Variants in PLEKHH2 observed in about 807,000 individuals in gnomAD.
PLEKHH2 encodes pleckstrin homology, MyTH4 and FERM domain containing H2, also known as pleckstrin homology domain-containing family H member 2.
Under a neutral mutation model 187.9 loss-of-function variants are expected in PLEKHH2, and 129 were observed. The ratio of observed to expected loss-of-function variants is 0.69; its 90% CI spans 0.59 to 0.79. PLEKHH2 has a LOEUF of 0.79. Among genes scored for constraint, PLEKHH2 ranks in the 30% least tolerant of loss-of-function variants. PLEKHH2 has a pLI of 0.00. For missense variants in PLEKHH2, 2,076 were observed against 1,751.2 expected (o/e 1.19, Z -3.31); for synonymous variants, 686 against 605.6 (o/e 1.13, Z -1.95).
chr2:43,732,055 T>C (rs1471378541), intron 19 of PLEKHH2, among the ~76,000 whole-genome samples: 1 of 152,142 alleles, frequency 6.6e-6, no homozygotes, highest in Non-Finnish European at 1.5e-5. Flanking sequence ...TCAGTTACCT[T>C]CCAGTAACTC....
At chr2:43,725,031 C>T (rs980382468) in intron 16 of PLEKHH2, among the ~76,000 whole-genome samples, 53 of 152,102 alleles carry the variant, frequency 3.5e-4, no homozygotes, top group African/African-American at 1.2e-3. Context: ...AGAAGGGTCC[C>T]GAGTGGGTTG....
chr2:43,672,285 G>C (rs1488361894), intron 2 of PLEKHH2, among the ~76,000 whole-genome samples: 1 of 152,048 alleles, frequency 6.6e-6, no homozygotes, highest in African/African-American at 2.4e-5. Context: ...TATTGGTCTG[G>C]TTAGAGAGCT....
chr2:43,679,483 T>A (rs1668048997), intron 3 of PLEKHH2: 1 of 346,016 alleles, frequency 2.9e-6, no homozygotes, highest in Non-Finnish European at 5.5e-6. Context: ...GAATCAGGAA[T>A]GATTTTTTCC....
At chr2:43,722,900 T>C (rs1026778337) in intron 16 of PLEKHH2, among the ~76,000 whole-genome samples, 1 of 152,152 alleles carries the variant, frequency 6.6e-6, no homozygotes. Context: ...TGGAAAAGTA[T>C]TGAGAATATA....
At position 43,757,178 on chromosome 2, in the gene PLEKHH2, G is replaced by T; in HGVS notation, c.3855G>T (p.Gln1285His). 1 of 1,605,602 alleles carries T rather than the reference G, an allele frequency of 6.2e-7. No homozygotes were observed. The highest frequency in any genetic ancestry group is 8.5e-7 in the Non-Finnish European group (1 of 1,176,610). ...CTCCAGCAGGGCATGTTACCAATCA[G>T]TGCAAAGTGAATCAAACTCTAAAGC... ...FSTPAGHVTN[Q>H]CKVNQTLKQV... Residue 1285 changes from glutamine (Q) to histidine (H), a missense_variant, in exon 26 of 30, where the codon CAG (glutamine) becomes CAT (histidine). Gln to His is a conservative substitution (Grantham distance 24). Coordinates refer to ENST00000282406, the MANE Select transcript of PLEKHH2 (RefSeq NM_172069.4).
chr2:43,676,215 T>G (rs4952675), intron 2 of PLEKHH2: 27 of 1,613,718 alleles, frequency 1.7e-5, no homozygotes, highest in Non-Finnish European at 2.1e-5. Context: ...GGTCTTGAGT[T>G]TGACCTCTGT....
At chr2:43,680,940 C>G in intron 3 of PLEKHH2, 4 of 854,650 alleles carry the variant, frequency 4.7e-6, no homozygotes, top group Non-Finnish European at 1.8e-6. Context: ...ACTTTAGTTG[C>G]AATTATTTTT....
At position 43,710,135 on chromosome 2, in the gene PLEKHH2, T is replaced by C. The variant is rs772277708; in HGVS notation, c.2103+9T>C. 1 of 1,610,336 alleles carries C rather than the reference T, an allele frequency of 6.2e-7. No homozygotes were observed. Among genetic ancestry groups the C allele is most frequent in the East Asian group, 2.2e-5 (1 of 44,850 alleles). On this transcript the variant is annotated intron_variant, in intron 12 of 29. Coordinates refer to ENST00000282406, the MANE Select transcript of PLEKHH2 (RefSeq NM_172069.4). ...GTGATAATGGGAAAAATGTAAATAT[T>C]GAATATGATTTTTAAAAAGCAGTCA...
chr2:43,702,655 G>C (rs1669438581), intron 8 of PLEKHH2, among the ~76,000 whole-genome samples: 1 of 146,968 alleles, frequency 6.8e-6, no homozygotes, highest in South Asian at 2.2e-4. Flanking sequence ...TTTTATTTCT[G>C]TGTTTATTAG....
intron 2 of PLEKHH2, among the ~76,000 whole-genome samples, chr2:43,648,560 C>CGTGTGTGTGTGTGT (rs71410194): frequency 7.3e-6 from 1 of 137,852 alleles, no homozygotes; most frequent in Non-Finnish European, 1.6e-5. Flanking sequence ...TAATTACATT[C>CGTGTGTGTGTGTGT]GTGTGTGTGT....
chr2:43,678,908 G>C lies in PLEKHH2; in HGVS notation c.169G>C (p.Glu57Gln). 6.2e-7 allele frequency: 1 copy of C among 1,609,088 alleles called. No homozygotes were observed. Among genetic ancestry groups the C allele is most frequent in the South Asian group, 1.1e-5 (1 of 90,420 alleles). ...RQVIDAERQA[E>Q]KAFQQVQVME... ...AGTTATTGATGCTGAACGTCAAGCA[G>C]AAAAAGCTTTTCAACAGGTAGAGTA... The change falls in exon 3 of 30, where the codon GAA (glutamate) becomes CAA (glutamine). Residue 57 changes from glutamate to glutamine, a missense_variant. Physicochemically the swap from Glu to Gln is conservative, Grantham distance 29 (BLOSUM62 2). Coordinates refer to ENST00000282406, the MANE Select transcript of PLEKHH2 (RefSeq NM_172069.4).
At chr2:43,674,474 T>G (rs12617907) in intron 2 of PLEKHH2, among the ~76,000 whole-genome samples, 1 of 152,046 alleles carries the variant, frequency 6.6e-6, no homozygotes, top group African/African-American at 2.4e-5. Context: ...TCCAAAAGAC[T>G]TAATGCTTGT....
chr2:43,693,540 T>C (rs1360667215), intron 4 of PLEKHH2, among the ~76,000 whole-genome samples: 1 of 151,708 alleles, frequency 6.6e-6, no homozygotes. Context: ...CTGGCTAACA[T>C]GGTGAAATCC....
In PLEKHH2 at chr2:43,699,635, A is replaced by G. The variant is rs773241484; in HGVS notation, c.689-12A>G. 2.4e-5 allele frequency: 38 copies of G among 1,608,220 alleles called. No individual in the cohort carries two copies. The highest frequency in any genetic ancestry group is 1.7e-4 in the Middle Eastern group (1 of 6,034). ...TAAAGGCAGCATGCTGATATGATGT[A>G]TCCTTTTCTAGAAATGGAAATTCCA... On this transcript the variant is annotated splice_polypyrimidine_tract_variant and intron_variant, in intron 7 of 29. Coordinates refer to ENST00000282406, the MANE Select transcript of PLEKHH2 (RefSeq NM_172069.4).
At chr2:43,641,357 G>C (rs562555094) in intron 1 of PLEKHH2, among the ~76,000 whole-genome samples, 1 of 152,142 alleles carries the variant, frequency 6.6e-6, no homozygotes, top group South Asian at 2.1e-4. Context: ...AGGTCATGAA[G>C]ATTTATACCT....
intron 2 of PLEKHH2, chr2:43,675,158 T>C (rs1667677688): frequency 4.9e-6 from 2 of 404,198 alleles, no homozygotes; most frequent in Non-Finnish European, 8.7e-6. Flanking sequence ...AAATTAATTT[T>C]AATAGTATAT....
intron 2 of PLEKHH2, among the ~76,000 whole-genome samples, chr2:43,655,173 A>C (rs1240948103): frequency 6.6e-6 from 1 of 151,874 alleles, no homozygotes; most frequent in Non-Finnish European, 1.5e-5. Context: ...GCCTGGGCTA[A>C]AAAATAAATA....
intron 1 of PLEKHH2, among the ~76,000 whole-genome samples, chr2:43,643,612 A>G (rs1666048990): frequency 6.6e-6 from 1 of 152,118 alleles, no homozygotes; most frequent in Non-Finnish European, 1.5e-5. Context: ...AAAAGAATAG[A>G]ATAGTATACT....
chr2:43,679,943 G>A (rs953086126), intron 3 of PLEKHH2, among the ~76,000 whole-genome samples: 9 of 152,136 alleles, frequency 5.9e-5, no homozygotes, highest in Admixed American at 1.3e-4. Context: ...GGGATTACAG[G>A]TGTGAGCTCA....
Sources: allele counts gnomAD v4.1 joint callset (sites outside exome capture counted in the v4.1 genomes callset), GRCh38; gene constraint gnomAD v4.1.1; transcripts MANE v1.5; gene names NCBI Gene and HGNC (gene_info 2026-07-23, HGNC 2026-07-21).